The following SEMA4D variants were observed in gnomAD, a reference collection of about 807,000 sequenced individuals.
The protein encoded by SEMA4D is semaphorin 4D.
A neutral mutation model predicts 74.8 loss-of-function variants in SEMA4D; 22 were observed. The ratio of observed to expected loss-of-function variants is 0.29; its 90% CI spans 0.21 to 0.42. The LOEUF is 0.42. SEMA4D is among the 10% of genes least tolerant of loss of function. The pLI, the probability that SEMA4D is intolerant of heterozygous loss-of-function variation, is 1.00. For missense variants in SEMA4D, 937 were observed against 1,118.4 expected, an observed-to-expected ratio of 0.84 and a Z score of 2.31; for synonymous variants, 445 against 463.7, an observed-to-expected ratio of 0.96 and a Z score of 0.52.
At chr9:89,410,563 T>C (rs557803360) in intron 2 of SEMA4D, among the ~76,000 whole-genome samples, 6 of 152,112 alleles carry the variant, frequency 3.9e-5, no homozygotes, top group African/African-American at 9.6e-5. Flanking sequence ...GTTACACACG[T>C]AGCAGAGATG....
chr9:89,402,774 G>A (rs1842482609), intron 4 of SEMA4D, 97 bp downstream of exon 4: 3 of 1,344,982 alleles, frequency 2.2e-6, no homozygotes, highest in African/African-American at 1.4e-5. Context: ...CAGAATGGAG[G>A]CTCCAGGTAA....
chr9:89,384,533 G>A (rs1300183538), intron 13 of SEMA4D: 7 of 456,816 alleles, frequency 1.5e-5, no homozygotes, highest in African/African-American at 2.1e-5. Flanking sequence ...TGTTTGGGAA[G>A]ATGAAAAGCA....
intron 2 of SEMA4D, among the ~76,000 whole-genome samples, chr9:89,427,583 G>A (rs938196215): frequency 6.6e-6 from 1 of 152,200 alleles, no homozygotes; most frequent in African/African-American, 2.4e-5. Flanking sequence ...TCCCTGCACT[G>A]CTAAAAGGAA....
At chr9:89,472,000 A>G (rs28623184) in intron 1 of SEMA4D, among the ~76,000 whole-genome samples, 19,740 of 134,348 alleles carry the variant, frequency 0.15, 1,350 homozygotes, top group Middle Eastern at 0.28. Flanking sequence ...GTGCATGCTG[A>G]CTCAGATGCA....
At chr9:89,415,593 C>T (rs1845532890) in intron 2 of SEMA4D, among the ~76,000 whole-genome samples, 1 of 152,196 alleles carries the variant, frequency 6.6e-6, no homozygotes, top group Non-Finnish European at 1.5e-5. Flanking sequence ...AGAGAGCTCC[C>T]TCACCCCTCA....
chr9:89,490,734 A>T (rs1825562746), intron 1 of SEMA4D, among the ~76,000 whole-genome samples: 1 of 152,220 alleles, frequency 6.6e-6, no homozygotes, highest in South Asian at 2.1e-4. Context: ...TCTAGGAGCA[A>T]CTGTCAAATA....
Position 89,405,403 on chromosome 9 carries a change from A to C in SEMA4D, c.54T>G (p.Phe18Leu). ...RGLLMALAVMFGTAMAFAPIP... is the reference protein window; with the variant it reads ...RGLLMALAVMLGTAMAFAPIP... ...TGGGTGCAAATGCCATCGCTGTCCC[A>C]AACATCACTGCAAGGGCCATGAGCA... The change falls in exon 3 of 16, where the codon TTT becomes TTG. Residue 18 changes from phenylalanine (F) to leucine (L), a missense_variant. Transcript: ENST00000422704. 6.2e-7 allele frequency: 1 copy of C among 1,614,136 alleles called. No individual in the cohort carries two copies. The highest frequency in any genetic ancestry group is 8.5e-7 in the Non-Finnish European group (1 of 1,179,996).
intron 2 of SEMA4D, among the ~76,000 whole-genome samples, chr9:89,438,971 T>TAA (rs1851095966): frequency 3.6e-4 from 13 of 35,796 alleles, no homozygotes; most frequent in Non-Finnish European, 5.3e-5. Flanking sequence ...GGCCTTTTTT[T>TAA]TTTTTTTTTT....
intron 9 of SEMA4D, 83 bp downstream of exon 9, chr9:89,391,181 G>A (rs1839785092): frequency 7.4e-7 from 1 of 1,358,736 alleles, no homozygotes; most frequent in Non-Finnish European, 1.0e-6. Context: ...TGACATTTGA[G>A]ACGAAGGTCA....
In SEMA4D at chr9:89,378,871, TG is replaced by T; in HGVS notation, c.2421del (p.Lys808SerfsTer45). ...TCATAGCCGGTGTCCAGGGCTGGCT[TG>T]GGGTGCTCCCCATTCTGCTGGGAGA... ...GSFSQQNGEH[P>X]KPALDTGYET... On this transcript the variant is annotated frameshift_variant, in exon 16 of 16. Transcript: ENST00000422704. LOFTEE classifies it high-confidence loss of function. 6.2e-7 allele frequency: 1 copy of T among 1,614,218 alleles called. No homozygotes were observed. The highest frequency in any genetic ancestry group is 8.5e-7 in the Non-Finnish European group (1 of 1,180,040).
chr9:89,414,651 A>T (rs1246146394), intron 2 of SEMA4D, among the ~76,000 whole-genome samples: 1 of 152,254 alleles, frequency 6.6e-6, no homozygotes, highest in Non-Finnish European at 1.5e-5. Context: ...AATGGGTTTC[A>T]GGAGCTGTCT....
intron 1 of SEMA4D, among the ~76,000 whole-genome samples, chr9:89,468,497 C>T (rs923846596): frequency 6.6e-6 from 1 of 152,186 alleles, no homozygotes; most frequent in East Asian, 1.9e-4. Context: ...TAAAAAGTGA[C>T]GGCAAAGCAA....
intron 2 of SEMA4D, among the ~76,000 whole-genome samples, chr9:89,430,600 C>A (rs1849061292): frequency 6.6e-6 from 1 of 152,210 alleles, no homozygotes; most frequent in African/African-American, 2.4e-5. Context: ...GCCTCAGCAA[C>A]CCCGCAAGCT....
Position 89,379,185 on chromosome 9 carries a change from G to T in SEMA4D, c.2108C>A (p.Pro703His). The change falls in exon 16 of 16, where the codon CCC (proline) becomes CAC (histidine). Residue 703 changes from proline (P) to histidine (H), a missense_variant. Pro to His is a moderately conservative substitution (Grantham distance 77, BLOSUM62 -2). Transcript: ENST00000422704. ...GAITLPPKPA[P>H]TGTSCEPKIV... is the part of the protein sequence containing the mutation. ...CTTTGGTTCGCAGGATGTGCCGGTG[G>T]GCGCAGGCTTGGGAGGAAGGGTGAT... 4 of 1,614,174 alleles carry T rather than the reference G, an allele frequency of 2.5e-6. No individual in the cohort carries two copies. Among genetic ancestry groups the T allele is most frequent in the Non-Finnish European group, 3.4e-6 (4 of 1,180,030 alleles).
exon 19 of SEMA4D, chr9:89,361,110 GA>G (rs1832726291): frequency 6.6e-6 from 1 of 152,190 alleles, no homozygotes; most frequent in African/African-American, 2.4e-5. Flanking sequence ...ATGGTTCCGT[GA>G]GCAAGACTGG....
Position 89,388,738 on chromosome 9 carries a change from C to G in SEMA4D, c.1005G>C (p.Glu335Asp), listed in dbSNP as rs150937324. 4.1e-4 allele frequency: 666 copies of G among 1,611,194 alleles called. 5 individuals are homozygous for G. The African/African-American group carries it at 7.6e-3, about 18-fold the overall frequency. ...VCAYNLSTAE[E>D]VFSHGKYMQS... ...GCATGTACTTCCCGTGGGAGAAGAC[C>G]TCCTCGGCTGTGGACAGGTTGTAGG... Residue 335 changes from glutamate (E) to aspartate (D), a missense_variant, in exon 11 of 16, where the codon GAG becomes GAC. Transcript: ENST00000422704.
At chr9:89,459,533 T>TG (rs71507800) in intron 1 of SEMA4D, among the ~76,000 whole-genome samples, 7 of 152,070 alleles carry the variant, frequency 4.6e-5, no homozygotes, top group Non-Finnish European at 7.4e-5. Context: ...ACAAGGGTGT[T>TG]GGGGGGGAGT....
chr9:89,374,645 G>C (rs150401338), downstream of SEMA4D, among the ~76,000 whole-genome samples: 1,500 of 152,322 alleles, frequency 9.8e-3, 30 homozygotes, highest in African/African-American at 0.033. Flanking sequence ...TTCTGTTGCT[G>C]TAACAGTGAT....
intron 18 of SEMA4D, chr9:89,363,337 G>A: frequency 1.3e-6 from 2 of 1,557,526 alleles, no homozygotes; most frequent in Non-Finnish European, 8.6e-7. Context: ...TGGGGTCCAT[G>A]CTGAATGGGG....
Sources: allele counts gnomAD v4.1 joint callset (sites outside exome capture counted in the v4.1 genomes callset), GRCh38; gene constraint gnomAD v4.1.1; transcripts MANE v1.5; gene names NCBI Gene and HGNC (gene_info 2026-07-23, HGNC 2026-07-21).